The following ACE variants were observed in gnomAD, a reference collection of about 807,000 sequenced individuals.
The protein encoded by ACE is angiotensin I converting enzyme, also known as angiotensin-converting enzyme.
ACE carries 122 observed loss-of-function variants against 162.3 expected under a neutral mutation model. The observed-to-expected ratio is 0.75, with a 90% CI of 0.65 to 0.87. ACE has a LOEUF of 0.87. ACE is among the 40% of genes least tolerant of loss of function. The probability of loss-of-function intolerance (pLI) is 0.00; values close to 1 mark genes in which losing one functional copy is unlikely to be tolerated. For missense variants in ACE, 1,799 were observed against 1,735.1 expected (o/e 1.04, Z -0.65); for synonymous variants, 796 against 720.6 (o/e 1.10, Z -1.68).
Position 63,480,754 on chromosome 17 carries a change from G to A in ACE, c.847+226G>A, listed in dbSNP as rs567262853. On this transcript the variant is annotated intron_variant, in intron 5 of 24. Coordinates refer to ENST00000290866, the MANE Select transcript of ACE (RefSeq NM_000789.4). ...AGGGACTTAGTGGTCAGAGAGCTAG[G>A]GGCCAAACCAAAGGCTCTGGCCCTG... Among the ~76,000 whole-genome samples, 6 of 152,334 alleles carry A rather than the reference G, an allele frequency of 3.9e-5. No homozygotes were observed. The East Asian group carries it at 1.2e-3, about 29-fold the overall frequency.
Position 63,481,766 on chromosome 17 carries a change from G to T in ACE, c.1118+28G>T, listed in dbSNP as rs373402553. 32 of 1,613,610 alleles carry T rather than the reference G, an allele frequency of 2.0e-5. No homozygotes were observed. In the Middle Eastern group the frequency reaches 4.9e-4, roughly 25 times the overall value. On this transcript the variant is annotated intron_variant, in intron 7 of 24. Transcript: ENST00000290866. ...TCAGACATGGGAAGAGCACGTTCTGGGGTTCCCCGGTTCTGGGGCCCGGGG... is the reference window on the plus strand; with the variant it reads ...TCAGACATGGGAAGAGCACGTTCTGTGGTTCCCCGGTTCTGGGGCCCGGGG...
rs1333063737 is a variant in ACE, at chr17:63,486,541, C to T, written c.2059-16C>T. ...GAGCTCCTGGGCCCTGTGACACCAT[C>T]CCCCTGTGCCCTCAGCTGCAGAAGA... On this transcript the variant is annotated splice_polypyrimidine_tract_variant and intron_variant, in intron 13 of 24. Transcript: ENST00000290866. 2.5e-6 allele frequency: 4 copies of T among 1,613,718 alleles called. No homozygotes were observed. Among genetic ancestry groups the T allele is most frequent in the African/African-American group, 1.3e-5 (1 of 74,932 alleles).
chr17:63,480,355 CCTACTGGCG>C lies in ACE; in HGVS notation c.677_685del (p.Tyr226_Arg228del). ...CCCCCAGGCTTCACAGACACGGGGG[CCTACTGGCG>C]CTCCTGGTACAACTCCCCCACCTTC... On this transcript the variant is annotated inframe_deletion, in exon 5 of 25. Coordinates refer to ENST00000290866, the MANE Select transcript of ACE (RefSeq NM_000789.4). The C allele has an allele frequency of 6.2e-7, 1 of 1,613,912 alleles. No individual in the cohort carries two copies. Among genetic ancestry groups the C allele is most frequent in the Non-Finnish European group, 8.5e-7 (1 of 1,180,032 alleles).
chr17:63,489,096 A>G lies in ACE; in HGVS notation c.2605A>G (p.Ile869Val), dbSNP rs757164151. The G allele has an allele frequency of 2.5e-6, 4 of 1,612,824 alleles. No individual in the cohort carries two copies. Among genetic ancestry groups the G allele is most frequent in the Non-Finnish European group, 3.4e-6 (4 of 1,180,034 alleles). The change falls in exon 17 of 25, where the codon ATC becomes GTC. Residue 869 changes from isoleucine (I) to valine (V), a missense_variant. Transcript: ENST00000290866. Reference sequence around the variant, plus strand: ...GCACCGTCACTACGGGGCCCAGCACATCAACCTGGAGGGGCCCATTCCTGC... The same window carrying G: ...GCACCGTCACTACGGGGCCCAGCACGTCAACCTGGAGGGGCCCATTCCTGC... ...ALHRHYGAQH[I>V]NLEGPIPAHL...
chr17:63,486,887 G>A (rs1568041727), intron 14 of ACE, 99 bp from the exon 15 acceptor site: 8 of 1,469,150 alleles, frequency 5.4e-6, no homozygotes, highest in East Asian at 2.3e-5. Context: ...CAGCTCCCTG[G>A]CTCCCCACCT....
Position 63,497,454 on chromosome 17 carries a change from C to A in ACE, c.*88C>A. On this transcript the variant is annotated 3_prime_UTR_variant, in exon 25 of 25. Coordinates refer to ENST00000290866, the MANE Select transcript of ACE (RefSeq NM_000789.4). ...GGTGGGCAGCTGAGGACACACCCCA[C>A]ACCCCAGCCCACCCTGCTCCTCCTG... is the stretch of plus-strand genomic sequence containing the variant. 8.7e-7 allele frequency: 1 copy of A among 1,146,152 alleles called. No individual in the cohort carries two copies. Among genetic ancestry groups the A allele is most frequent in the Non-Finnish European group, 1.3e-6 (1 of 789,530 alleles). 71.0% of individuals were successfully genotyped at this position (1,146,152 alleles called of 1,614,324 possible).
At position 63,491,467 on chromosome 17, in the gene ACE, A is replaced by G; in HGVS notation, c.2912+86A>G. On this transcript the variant is annotated intron_variant, in intron 19 of 24. Transcript: ENST00000290866. The surrounding 1 kb of genome is among the most constrained non-coding windows in gnomAD (Gnocchi z 4.4). The stretch of plus-strand genomic sequence containing the variant: ...AGCAAAGGGTCCACTACTGTCCCCC[A>G]GCTGGAGCCAGCAGGGCAGGATGGG... The G allele has an allele frequency of 6.5e-7, 1 of 1,549,440 alleles. No homozygotes were observed. Among genetic ancestry groups the G allele is most frequent in the Non-Finnish European group, 8.9e-7 (1 of 1,128,440 alleles).
At chr17:63,485,074 C>T (rs758178124) in intron 12 of ACE, 162 bp from the exon 13 acceptor site, 12 of 1,603,702 alleles carry the variant, frequency 7.5e-6, no homozygotes. Flanking sequence ...CAAGTGGGAC[C>T]ATGCAGGGGA....
intron 10 of ACE, 89 bp downstream of exon 10, chr17:63,483,647 G>A: frequency 7.5e-7 from 1 of 1,337,140 alleles, no homozygotes; most frequent in Non-Finnish European, 1.0e-6. Context: ...TCATCCCCAG[G>A]GCTTGTCCCC....
Position 63,491,509 on chromosome 17 carries a change from G to A in ACE, c.2912+128G>A. 8.1e-7 allele frequency: 1 copy of A among 1,237,130 alleles called. No individual in the cohort carries two copies. The highest frequency in any genetic ancestry group is 1.2e-6 in the Non-Finnish European group (1 of 860,698). The allele number at this position is 1,237,130 out of a possible 1,614,324, so 76.6% of individuals were successfully genotyped here. On this transcript the variant is annotated intron_variant, in intron 19 of 24. Coordinates refer to ENST00000290866, the MANE Select transcript of ACE (RefSeq NM_000789.4). This position sits in a 1 kb window ranked among gnomAD's most constrained non-coding sequence, Gnocchi z 4.4. The stretch of plus-strand genomic sequence containing the variant: ...CAGGATGGGGACAGGGCCAGAGTTT[G>A]GGACTGAGTGTCTAGAGAGGTGTTG...
chr17:63,496,672 G>A, intron 23 of ACE, 126 bp from the exon 24 acceptor site: 5 of 1,573,896 alleles, frequency 3.2e-6, no homozygotes, highest in Non-Finnish European at 4.3e-6. Flanking sequence ...CATCTCCTTA[G>A]GCACCTGGAG....
intron 1 of ACE, 101 bp downstream of exon 1, chr17:63,477,444 A>C: frequency 1.0e-6 from 1 of 955,476 alleles, no homozygotes; most frequent in Non-Finnish European, 1.3e-6. Context: ...CCCGACCCGA[A>C]CCCCACCCCG....
chr17:63,478,968 G>T, intron 2 of ACE, 39 bp from the exon 3 acceptor site: 2 of 1,557,856 alleles, frequency 1.3e-6, no homozygotes, highest in East Asian at 2.3e-5. Context: ...ATGTCCCAGG[G>T]GCTGGTCACT....
Position 63,496,690 on chromosome 17 carries a change from G to A in ACE, c.3504-108G>A, listed in dbSNP as rs1264208695. ...CTCCTTAGGCACCTGGAGCCCTGGG[G>A]CCCTGGGACAAGTTTCAGCTGGGAG... is the stretch of plus-strand genomic sequence containing the variant. On this transcript the variant is annotated intron_variant, in intron 23 of 24. Transcript: ENST00000290866. 8.2e-6 allele frequency: 13 copies of A among 1,580,862 alleles called. No homozygotes were observed. In the East Asian group the frequency reaches 2.7e-4, roughly 33 times the overall value.
intron 12 of ACE, 139 bp from the exon 13 acceptor site, chr17:63,485,097 C>T (rs747594153): frequency 1.1e-5 from 17 of 1,594,816 alleles, no homozygotes; most frequent in Non-Finnish European, 1.4e-5. Context: ...GGCAGGGTGC[C>T]AGGGGTGGGA....
At chr17:63,481,339 C>T in intron 6 of ACE, 151 bp downstream of exon 6, 1 of 898,572 alleles carries the variant, frequency 1.1e-6, no homozygotes, top group South Asian at 1.5e-5. Context: ...TCGGCCCCCT[C>T]AGTGAGGTGC....
At position 63,479,835 on chromosome 17, in the gene ACE, A is replaced by C; in HGVS notation, c.578A>C (p.His193Pro). 1.9e-6 allele frequency: 3 copies of C among 1,613,324 alleles called. No homozygotes were observed. Among genetic ancestry groups the C allele is most frequent in the Non-Finnish European group, 2.5e-6 (3 of 1,180,034 alleles). The change falls in exon 4 of 25, where the codon CAC becomes CCC. Residue 193 changes from histidine to proline, a missense_variant. Coordinates refer to ENST00000290866, the MANE Select transcript of ACE (RefSeq NM_000789.4). ...AMLLFAWEGWHNAAGIPLKPL... is the reference protein window; with the variant it reads ...AMLLFAWEGWPNAAGIPLKPL... ...CTCCTGTTTGCCTGGGAGGGCTGGC[A>C]CAACGCTGCGGGCATCCCGCTGAAA...
chr17:63,480,244 G>T, intron 4 of ACE, 93 bp from the exon 5 acceptor site: 2 of 1,369,864 alleles, frequency 1.5e-6, no homozygotes, highest in South Asian at 1.2e-5. Context: ...GCAGATCCAC[G>T]GGCCTCGAGC....
At chr17:63,483,220 G>C (rs746918426) in intron 9 of ACE, 47 bp downstream of exon 9, 1 of 1,611,792 alleles carries the variant, frequency 6.2e-7, no homozygotes, top group South Asian at 1.1e-5. Context: ...GCCCTCCCCA[G>C]CCTCCTGGAC....
Sources: allele counts gnomAD v4.1 joint callset (sites outside exome capture counted in the v4.1 genomes callset), GRCh38; gene constraint gnomAD v4.1.1; non-coding constraint Gnocchi (gnomAD v3.1); transcripts MANE v1.5; gene names NCBI Gene and HGNC (gene_info 2026-07-23, HGNC 2026-07-21).